Variants in ST6GALNAC6 observed in about 807,000 individuals in gnomAD.
The protein encoded by ST6GALNAC6 is alpha-N-acetylgalactosaminide alpha-2,6-sialyltransferase 6.
Under a neutral mutation model 34.3 loss-of-function variants are expected in ST6GALNAC6, and 19 were observed. The observed-to-expected ratio is 0.55, with a 90% confidence interval of 0.39 to 0.81. The LOEUF (loss-of-function observed/expected upper bound fraction) is 0.81. Ranked by LOEUF, ST6GALNAC6 falls within the 40% of genes least tolerant of loss-of-function variation. ST6GALNAC6 has a pLI of 0.00. For missense variants in ST6GALNAC6, 377 were observed against 467.7 expected (o/e 0.81, Z 1.79); for synonymous variants, 185 against 182.1 (o/e 1.02, Z -0.13).
chr9:127,897,418 CG>C (rs1459913593), intron 2 of ST6GALNAC6: 45 of 986,492 alleles, frequency 4.6e-5, no homozygotes, highest in Non-Finnish European at 4.9e-5. Flanking sequence ...CAGAGAACCT[CG>C]GGCCAGAGGA....
chr9:127,895,337 C>A (rs962118539), intron 3 of ST6GALNAC6, among the ~76,000 whole-genome samples: 6 of 152,232 alleles, frequency 3.9e-5, no homozygotes, highest in Non-Finnish European at 8.8e-5. Flanking sequence ...ATCTTACCCA[C>A]TGCCCAGAGG....
At chr9:127,899,765 C>T (rs77782704), upstream of ST6GALNAC6, 3,579 of 616,430 alleles carry the variant, frequency 5.8e-3, 202 homozygotes, top group East Asian at 0.22. Flanking sequence ...TGGTGAGCGC[C>T]TCGGTCACCC....
At chr9:127,887,159 A>G (rs1829822689) in intron 6 of ST6GALNAC6, among the ~76,000 whole-genome samples, 1 of 152,082 alleles carries the variant, frequency 6.6e-6, no homozygotes, top group South Asian at 2.1e-4. Context: ...CTTATCCCGT[A>G]AGGTTGCTGT....
upstream of ST6GALNAC6, among the ~76,000 whole-genome samples, chr9:127,900,991 C>CAAAAAAAAAAAAAAAAAAAAA (rs56673204): frequency 1.3e-4 from 8 of 61,006 alleles, no homozygotes; most frequent in African/African-American, 3.5e-4. Flanking sequence ...AACTCCCTAT[C>CAAAAAAAAAAAAAAAAAAAAA]AAAAAAAAAA....
intron 2 of ST6GALNAC6, 95 bp downstream of exon 2, chr9:127,897,861 T>G (rs1830565272): frequency 1.3e-6 from 2 of 1,594,238 alleles, no homozygotes; most frequent in East Asian, 2.3e-5. Context: ...AGGACCACCG[T>G]CCCCCTGGTC....
In ST6GALNAC6 at chr9:127,890,809, T is replaced by C; in HGVS notation, c.532A>G (p.Thr178Ala). The change falls in exon 5 of 7, where the codon ACC (threonine) becomes GCC (alanine). Residue 178 changes from threonine (T) to alanine (A), a missense_variant. Transcript: ENST00000373146. This position sits in a 1 kb window ranked among gnomAD's most constrained non-coding sequence, Gnocchi z 4.3. ...GGGGGCCCCCAGAAGATGAACACGG[T>C]TTCAGGGGTCCGGTTGACAAACTCC... ...PQEFVNRTPE[T>A]VFIFWGPPSK... The C allele has an allele frequency of 6.2e-7, 1 of 1,613,500 alleles. No homozygotes were observed. The highest frequency in any genetic ancestry group is 1.1e-5 in the South Asian group (1 of 91,054).
At chr9:127,898,117 G>A (rs1830583248) in intron 1 of ST6GALNAC6, 107 bp from the exon 2 acceptor site, 7 of 682,104 alleles carry the variant, frequency 1.0e-5, no homozygotes, top group Middle Eastern at 3.7e-4. Context: ...CACATTGGCC[G>A]GGCGCGGTGG....
chr9:127,897,041 C>A (rs1830502618), intron 2 of ST6GALNAC6: 4 of 886,720 alleles, frequency 4.5e-6, no homozygotes, highest in Non-Finnish European at 5.4e-6. Flanking sequence ...TCTGCCAGGG[C>A]TGACTCCTCA....
Position 127,890,607 on chromosome 9 carries a change from G to A in ST6GALNAC6, c.704+30C>T, listed in dbSNP as rs1830073594. ...GCATGCTGAGAAGGAGCACAGTGCT[G>A]GCCAGAGGGGGCAGGCAGGAGGCTG... is the stretch of plus-strand genomic sequence containing the variant. On this transcript the variant is annotated intron_variant, in intron 5 of 6. Coordinates refer to ENST00000373146, the MANE Select transcript of ST6GALNAC6 (RefSeq NM_013443.5). This position sits in a 1 kb window ranked among gnomAD's most constrained non-coding sequence, Gnocchi z 4.3. 11 of 1,612,604 alleles carry A rather than the reference G, an allele frequency of 6.8e-6. No individual in the cohort carries two copies. Among genetic ancestry groups the A allele is most frequent in the Non-Finnish European group, 9.3e-6 (11 of 1,179,826 alleles).
At chr9:127,905,837 G>A, upstream of ST6GALNAC6, 5 of 639,860 alleles carry the variant, frequency 7.8e-6, no homozygotes, top group Non-Finnish European at 9.7e-6. Context: ...ACAGCAGAAA[G>A]TGGGGCCAGA....
chr9:127,891,555 G>T (rs1830138293), intron 4 of ST6GALNAC6, among the ~76,000 whole-genome samples: 2 of 151,586 alleles, frequency 1.3e-5, no homozygotes, highest in South Asian at 4.2e-4. Flanking sequence ...GGCAGAGGTT[G>T]CAGTGAACCT....
At chr9:127,900,967 G>A (rs1466306659), upstream of ST6GALNAC6, among the ~76,000 whole-genome samples, 1 of 124,236 alleles carries the variant, frequency 8.0e-6, no homozygotes, top group East Asian at 2.7e-4. Flanking sequence ...CTCCAGCCTG[G>A]GCAACAAGGG....
upstream of ST6GALNAC6, among the ~76,000 whole-genome samples, chr9:127,902,786 C>T (rs1203903863): frequency 6.8e-6 from 1 of 147,128 alleles, no homozygotes; most frequent in Non-Finnish European, 1.5e-5. Context: ...CGAGGTTTCA[C>T]CATGTTGGTC....
Position 127,886,432 on chromosome 9 carries a change from A to C in ST6GALNAC6, c.*167T>G, listed in dbSNP as rs1829755830. 2 of 1,440,716 alleles carry C rather than the reference A, an allele frequency of 1.4e-6. No individual in the cohort carries two copies. The highest frequency in any genetic ancestry group is 5.7e-5 in the Admixed American group (2 of 35,082). The allele number at this position is 1,440,716 out of a possible 1,614,324, so 89.2% of individuals were successfully genotyped here. ...ACTCCCAAATCCCTGATTCGCCAAC[A>C]GATTCCCCAGGCCCTGATTGGCTGG... is the stretch of plus-strand genomic sequence containing the variant. On this transcript the variant is annotated 3_prime_UTR_variant, in exon 7 of 7. Transcript: ENST00000373146.
In ST6GALNAC6 at chr9:127,886,667, C is replaced by T; in HGVS notation, c.934G>A (p.Glu312Lys). 2 of 1,614,120 alleles carry T rather than the reference C, an allele frequency of 1.2e-6. No homozygotes were observed. Among genetic ancestry groups the T allele is most frequent in the Non-Finnish European group, 1.7e-6 (2 of 1,180,034 alleles). The change falls in exon 7 of 7, where the codon GAG (glutamate) becomes AAG (lysine). Residue 312 changes from glutamate (E) to lysine (K), a missense_variant. Transcript: ENST00000373146. ...GCCCACGATGAGAAGACCCTTTTCT[C>T]GGTGATGAAGCGGTGGTGGTTGCCC... is the stretch of plus-strand genomic sequence containing the variant. ...RKGNHHRFIT[E>K]KRVFSSWAQL...
intron 4 of ST6GALNAC6, among the ~76,000 whole-genome samples, chr9:127,893,442 T>A (rs1217804925): frequency 6.6e-6 from 1 of 152,154 alleles, no homozygotes; most frequent in Non-Finnish European, 1.5e-5. Context: ...TGGAACCACA[T>A]ACTCTCTGGG....
At chr9:127,888,933 A>G (rs1269828827) in intron 5 of ST6GALNAC6, among the ~76,000 whole-genome samples, 1 of 152,268 alleles carries the variant, frequency 6.6e-6, no homozygotes, top group African/African-American at 2.4e-5. Flanking sequence ...TGAAAATCCT[A>G]GCCAGTGCAA....
At chr9:127,904,407 TC>T (rs1426594966), upstream of ST6GALNAC6, 1 of 152,134 alleles carries the variant, frequency 6.6e-6, no homozygotes, top group Non-Finnish European at 1.5e-5. Flanking sequence ...CTTTGACCCT[TC>T]CTGCCTCCTA....
chr9:127,890,554 G>A lies in ST6GALNAC6; in HGVS notation c.704+83C>T. ...TTGACTACCCCTCAGAGCAGTGCATGCTGGGAGCAACAGGCCCTCTGGATG... is the reference window on the plus strand; with the variant it reads ...TTGACTACCCCTCAGAGCAGTGCATACTGGGAGCAACAGGCCCTCTGGATG... On this transcript the variant is annotated intron_variant, in intron 5 of 6. Coordinates refer to ENST00000373146, the MANE Select transcript of ST6GALNAC6 (RefSeq NM_013443.5). This position sits in a 1 kb window ranked among gnomAD's most constrained non-coding sequence, Gnocchi z 4.3. The A allele has an allele frequency of 6.3e-7, 1 of 1,588,176 alleles. No individual in the cohort carries two copies. Among genetic ancestry groups the A allele is most frequent in the Non-Finnish European group, 8.6e-7 (1 of 1,163,834 alleles).
Sources: gnomAD v4.1 joint callset for allele counts (sites outside exome capture counted in the v4.1 genomes callset) on GRCh38, gnomAD v4.1.1 for gene constraint, Gnocchi (gnomAD v3.1) non-coding constraint, MANE v1.5 for transcripts, NCBI Gene and HGNC (gene_info 2026-07-23, HGNC 2026-07-21) for gene names.